The following NUP62CL variants were observed in gnomAD, a reference collection of about 807,000 sequenced individuals.
The protein encoded by NUP62CL is nucleoporin 62 C-terminal like, also known as nucleoporin-62 C-terminal-like protein.
Under a neutral mutation model 15.3 loss-of-function variants are expected in NUP62CL, and 13 were observed. The ratio of observed to expected loss-of-function variants is 0.85; its 90% confidence interval spans 0.55 to 1.35. The LOEUF is 1.35. Among genes scored for constraint, NUP62CL ranks in the 40% most tolerant of loss-of-function variants. The pLI, the probability that NUP62CL is intolerant of heterozygous loss-of-function variation, is 0.00. For synonymous variants in NUP62CL, 54 were observed against 49.2 expected, an observed-to-expected ratio of 1.10 and a Z score of -0.41; for missense variants, 123 against 130.6, an observed-to-expected ratio of 0.94 and a Z score of 0.28.
chrX:107,183,417 T>G (rs775571495), intron 2 of NUP62CL, among the ~76,000 whole-genome samples: 17 of 110,369 alleles, frequency 1.5e-4, no homozygotes, highest in Admixed American at 5.8e-4. Flanking sequence ...AGCAACATAA[T>G]GAGACCCTGG....
chrX:107,136,618 C>T (rs368885604), intron 8 of NUP62CL, among the ~76,000 whole-genome samples: 1 of 112,157 alleles, frequency 8.9e-6, no homozygotes, highest in East Asian at 2.8e-4. Flanking sequence ...AAACTACCAA[C>T]CAATACATAT....
chrX:107,131,887 G>A (rs1348588319), intron 8 of NUP62CL: 1 of 1,006,712 alleles, frequency 9.9e-7, no homozygotes, highest in East Asian at 3.0e-5. Flanking sequence ...TGCTGATACA[G>A]AAGGCAATAA....
intron 2 of NUP62CL, among the ~76,000 whole-genome samples, chrX:107,188,957 A>G (rs1459303683): frequency 1.8e-5 from 2 of 111,940 alleles, no homozygotes; most frequent in Non-Finnish European, 3.8e-5. Context: ...TCAAATCCTC[A>G]TGCAAAAAGG....
chrX:107,202,971 T>C (rs1305222009), intron 1 of NUP62CL, among the ~76,000 whole-genome samples: 1 of 87,069 alleles, frequency 1.1e-5, no homozygotes, highest in Non-Finnish European at 2.2e-5. Context: ...GAGCAGACCG[T>C]CTCAAAAAAA....
chrX:107,201,542 T>C (rs1927484504), intron 1 of NUP62CL, among the ~76,000 whole-genome samples: 1 of 110,525 alleles, frequency 9.0e-6, no homozygotes, highest in African/African-American at 3.3e-5. Flanking sequence ...TTTTTAAAAG[T>C]GATTTAGTCA....
chrX:107,200,989 T>C (rs1238974202), intron 1 of NUP62CL, among the ~76,000 whole-genome samples: 1 of 111,149 alleles, frequency 9.0e-6, no homozygotes, highest in African/African-American at 3.3e-5. Context: ...GACATGCAAG[T>C]AAGAAAAGTT....
intron 4 of NUP62CL, among the ~76,000 whole-genome samples, chrX:107,163,245 A>G (rs1313315756): frequency 8.9e-6 from 1 of 112,049 alleles, no homozygotes; most frequent in Non-Finnish European, 1.9e-5. Context: ...AAAAGGAACT[A>G]AATGGAATTA....
intron 4 of NUP62CL, among the ~76,000 whole-genome samples, chrX:107,156,074 G>A (rs1055161950): frequency 9.0e-6 from 1 of 110,627 alleles, no homozygotes; most frequent in Non-Finnish European, 1.9e-5. Flanking sequence ...TTTCAGACCG[G>A]CTTAAAAAAC....
chrX:107,170,610 C>G (rs1365016075), intron 3 of NUP62CL, among the ~76,000 whole-genome samples: 1 of 110,549 alleles, frequency 9.0e-6, no homozygotes, highest in Non-Finnish European at 1.9e-5. Context: ...GACGGGGTTT[C>G]ACTGTGTTAG....
chrX:107,184,201 A>C (rs1216603515), intron 2 of NUP62CL, among the ~76,000 whole-genome samples: 1 of 110,265 alleles, frequency 9.1e-6, no homozygotes, highest in East Asian at 2.8e-4. Context: ...AAAATTACAA[A>C]GATTTTAAAG....
chrX:107,147,935 C>T, intron 7 of NUP62CL, 126 bp from the exon 8 acceptor site: 2 of 488,608 alleles, frequency 4.1e-6, no homozygotes, highest in African/African-American at 2.4e-5. Context: ...CTGAGAATTA[C>T]TAAATACTAA....
At chrX:107,150,612 C>T (rs1925987225) in intron 7 of NUP62CL, among the ~76,000 whole-genome samples, 1 of 112,469 alleles carries the variant, frequency 8.9e-6, no homozygotes, top group South Asian at 3.7e-4. Flanking sequence ...ATCCTCTCAC[C>T]TCAGCCTCCA....
At chrX:107,149,333 A>C (rs138500122) in intron 7 of NUP62CL, among the ~76,000 whole-genome samples, 7,907 of 112,410 alleles carry the variant, frequency 0.07, 733 homozygotes, top group African/African-American at 0.24. Flanking sequence ...TGGAATTACA[A>C]TGGTAATCTA....
intron 8 of NUP62CL, among the ~76,000 whole-genome samples, chrX:107,138,971 A>G (rs1201271474): frequency 8.9e-6 from 1 of 112,390 alleles, no homozygotes; most frequent in African/African-American, 3.2e-5. Context: ...ACTCAGCAAT[A>G]GAAAGAATCA....
intron 3 of NUP62CL, among the ~76,000 whole-genome samples, chrX:107,169,455 T>C (rs1926595636): frequency 8.9e-6 from 1 of 112,513 alleles, no homozygotes; most frequent in South Asian, 3.7e-4. Flanking sequence ...TGACTTTACT[T>C]GAATTCCACA....
chrX:107,151,545 A>G (rs1926011645), intron 7 of NUP62CL, among the ~76,000 whole-genome samples: 1 of 108,155 alleles, frequency 9.2e-6, no homozygotes, highest in Non-Finnish European at 1.9e-5. Flanking sequence ...ACACACACAC[A>G]CGACCCAGTC....
intron 1 of NUP62CL, among the ~76,000 whole-genome samples, chrX:107,197,764 G>A (rs1927388696): frequency 9.0e-6 from 1 of 111,128 alleles, no homozygotes. Context: ...CTAAATGGCT[G>A]GAGATAAAGA....
chrX:107,162,737 G>A (rs1158950187), intron 4 of NUP62CL, among the ~76,000 whole-genome samples: 1 of 112,052 alleles, frequency 8.9e-6, no homozygotes. Context: ...AGAAGACTTG[G>A]AACATCATAT....
intron 2 of NUP62CL, among the ~76,000 whole-genome samples, chrX:107,183,733 C>G (rs1489239033): frequency 9.0e-6 from 1 of 111,081 alleles, no homozygotes; most frequent in Non-Finnish European, 1.9e-5. Context: ...AACTTTTAGA[C>G]AATAACCACT....
Sources: allele counts gnomAD v4.1 joint callset (sites outside exome capture counted in the v4.1 genomes callset), GRCh38; gene constraint gnomAD v4.1.1; transcripts MANE v1.5; gene names NCBI Gene and HGNC (gene_info 2026-07-23, HGNC 2026-07-21).